Variants in DAPK2 observed in about 807,000 individuals in gnomAD.
DAPK2 encodes death-associated protein kinase 2.
DAPK2 carries 35 observed loss-of-function variants against 44.1 expected under a neutral mutation model. The ratio of observed to expected loss-of-function variants is 0.79; its 90% confidence interval spans 0.61 to 1.05. The LOEUF (loss-of-function observed/expected upper bound fraction) is 1.05, where lower values mean the gene tolerates loss of function less well. Among genes scored for constraint, DAPK2 ranks in the 50% least tolerant of loss-of-function variants. DAPK2 has a pLI of 0.00. For missense variants in DAPK2, 453 were observed against 483.2 expected (o/e 0.94, Z 0.59); for synonymous variants, 174 against 182.6 (o/e 0.95, Z 0.38).
At chr15:63,994,525 T>G (rs2078900128) in intron 1 of DAPK2, among the ~76,000 whole-genome samples, 1 of 151,556 alleles carries the variant, frequency 6.6e-6, no homozygotes, top group Non-Finnish European at 1.5e-5. Context: ...AAGATAACCA[T>G]CGTTATCATC....
intron 1 of DAPK2, among the ~76,000 whole-genome samples, chr15:63,989,713 A>T (rs188924769): frequency 2.0e-5 from 3 of 152,298 alleles, no homozygotes; most frequent in Admixed American, 1.3e-4. Context: ...ACACGCACAT[A>T]CATAGTCTCG....
At chr15:63,962,810 G>A (rs1452678293) in intron 3 of DAPK2, among the ~76,000 whole-genome samples, 3 of 152,338 alleles carry the variant, frequency 2.0e-5, no homozygotes, top group African/African-American at 7.2e-5. Context: ...GGACCCACTT[G>A]AGGAGGCAGT....
chr15:64,031,395 G>A (rs914248007), intron 1 of DAPK2, among the ~76,000 whole-genome samples: 4 of 151,870 alleles, frequency 2.6e-5, no homozygotes. Flanking sequence ...ACCACACTTG[G>A]CTAATTCTTC....
chr15:64,043,867 G>A (rs147053242), upstream of DAPK2, among the ~76,000 whole-genome samples: 490 of 152,212 alleles, frequency 3.2e-3, 1 homozygote, highest in Middle Eastern at 6.8e-3. Context: ...TCCCCTTGTC[G>A]TAGGCTAGTA....
exon 11 of DAPK2, chr15:63,907,841 C>T (rs975201145): frequency 6.6e-6 from 1 of 152,374 alleles, no homozygotes; most frequent in African/African-American, 2.4e-5. Flanking sequence ...CACTCAGCAC[C>T]CCACTGGGTG....
Position 63,923,003 on chromosome 15 carries a change from T to G in DAPK2, c.858+1813A>C. ...GGCCTGGATGTCTTCTCGCAGCAGC[T>G]TCTTCAATGACTCCACCTTGCGGAA... On this transcript the variant is annotated intron_variant, in intron 8 of 10. Coordinates refer to ENST00000261891, the Ensembl canonical transcript of DAPK2. The surrounding 1 kb of genome is among the most constrained non-coding windows in gnomAD (Gnocchi z 4.2). The G allele has an allele frequency of 6.5e-7, 1 of 1,535,902 alleles. No homozygotes were observed. The highest frequency in any genetic ancestry group is 8.7e-7 in the Non-Finnish European group (1 of 1,146,740).
At chr15:63,913,150 G>A (rs2078839863) in intron 8 of DAPK2, among the ~76,000 whole-genome samples, 1 of 152,116 alleles carries the variant, frequency 6.6e-6, no homozygotes, top group Admixed American at 6.6e-5. Context: ...GTCCAGAACA[G>A]ACATATCCGT....
chr15:63,928,518 A>AC (rs34138251), intron 6 of DAPK2: 11 of 152,336 alleles, frequency 7.2e-5, no homozygotes, highest in African/African-American at 2.6e-4. Context: ...ATGAATACTC[A>AC]CTAGCCCACT....
chr15:64,026,513 G>A (rs2079851466), intron 1 of DAPK2, among the ~76,000 whole-genome samples: 1 of 152,082 alleles, frequency 6.6e-6, no homozygotes, highest in Admixed American at 6.6e-5. Context: ...CAAAGTGCTG[G>A]GATTACAGGA....
intron 1 of DAPK2, among the ~76,000 whole-genome samples, chr15:64,015,209 T>G (rs1002507050): frequency 1.4e-4 from 21 of 152,332 alleles, no homozygotes; most frequent in Admixed American, 8.5e-4. Flanking sequence ...GGCCCTGCCA[T>G]GCCAAGGACA....
At chr15:64,043,928 C>A (rs1209017014), upstream of DAPK2, among the ~76,000 whole-genome samples, 1 of 152,200 alleles carries the variant, frequency 6.6e-6, no homozygotes, top group African/African-American at 2.4e-5. Context: ...GTTCCCCAGC[C>A]TCCTTTCTCA....
intron 10 of DAPK2, 139 bp downstream of exon 11, chr15:63,911,769 A>G (rs2078798317): frequency 6.0e-6 from 5 of 833,856 alleles, no homozygotes; most frequent in Non-Finnish European, 9.8e-6. Flanking sequence ...GCCTTCAGGG[A>G]AGAGGAGGAC....
chr15:63,945,516 A>C (rs2077426324), intron 3 of DAPK2, among the ~76,000 whole-genome samples: 1 of 152,178 alleles, frequency 6.6e-6, no homozygotes. Flanking sequence ...AAGGAACGGC[A>C]CTAAGGGAGG....
rs12591366 is a variant in DAPK2 at position 63,985,009 on chromosome 15, A to C, written c.93-1255T>G. Among the ~76,000 whole-genome samples, 44 of 152,342 alleles carry C rather than the reference A, an allele frequency of 2.9e-4. No individual in the cohort carries two copies. In the East Asian group the frequency reaches 8.3e-3, roughly 29 times the overall value. ...GGTAGCATTCTATGGCAGCCACTTC[A>C]GAGACGTTCCCAAACACAAACTCAT... On this transcript the variant is annotated intron_variant, in intron 1 of 10. Coordinates refer to ENST00000261891, the Ensembl canonical transcript of DAPK2.
At chr15:63,952,843 T>C (rs1011885518) in intron 3 of DAPK2, among the ~76,000 whole-genome samples, 18 of 152,160 alleles carry the variant, frequency 1.2e-4, no homozygotes, top group Non-Finnish European at 1.9e-4. Context: ...AAATGTACAA[T>C]AACTTATTGT....
chr15:63,923,036 C>T lies in DAPK2; in HGVS notation c.858+1780G>A. On this transcript the variant is annotated intron_variant, in intron 8 of 10. Coordinates refer to ENST00000261891, the Ensembl canonical transcript of DAPK2. This position sits in a 1 kb window ranked among gnomAD's most constrained non-coding sequence, Gnocchi z 4.2. ...TGACTCCACCTTGCGGAACTCATAC[C>T]TGAGCTGGGACAGGTCATGCCGGGC... The T allele has an allele frequency of 6.5e-7, 1 of 1,535,864 alleles. No homozygotes were observed. The highest frequency in any genetic ancestry group is 8.7e-7 in the Non-Finnish European group (1 of 1,146,734).
At chr15:63,951,128 T>C (rs1444087021) in intron 3 of DAPK2, among the ~76,000 whole-genome samples, 3 of 152,194 alleles carry the variant, frequency 2.0e-5, no homozygotes, top group African/African-American at 7.2e-5. Context: ...TATTTTGACA[T>C]AAAATACCAT....
chr15:63,952,118 T>C (rs752970622), intron 3 of DAPK2, among the ~76,000 whole-genome samples: 4 of 152,090 alleles, frequency 2.6e-5, no homozygotes, highest in Non-Finnish European at 4.4e-5. Context: ...CAGATGCCTG[T>C]AATCCCAACT....
chr15:63,930,739 T>A (rs999053366), intron 4 of DAPK2, among the ~76,000 whole-genome samples: 3 of 152,094 alleles, frequency 2.0e-5, no homozygotes, highest in African/African-American at 7.3e-5. Context: ...AATGGAAACC[T>A]CACAAGTGGG....
Sources: allele counts gnomAD v4.1 joint callset (sites outside exome capture counted in the v4.1 genomes callset), GRCh38; gene constraint gnomAD v4.1.1; non-coding constraint Gnocchi (gnomAD v3.1); transcripts MANE v1.5; gene names NCBI Gene and HGNC (gene_info 2026-07-23, HGNC 2026-07-21).